TRAK1: variants seen among roughly 807,000 people sequenced by gnomAD.
The protein encoded by TRAK1 is trafficking kinesin-binding protein 1.
Under a neutral mutation model 92.1 loss-of-function variants are expected in TRAK1, and 33 were observed. That is an observed-to-expected ratio of 0.36 (90% CI 0.27 to 0.48). TRAK1 has a LOEUF of 0.48. Ranked by LOEUF, TRAK1 falls within the 20% of genes least tolerant of loss-of-function variation. The pLI, the probability that TRAK1 is intolerant of heterozygous loss-of-function variation, is 0.99. For missense variants in TRAK1, 1,123 were observed against 1,257.9 expected, an observed-to-expected ratio of 0.89 and a Z score of 1.62; for synonymous variants, 521 against 517.3, an observed-to-expected ratio of 1.01 and a Z score of -0.10.
chr3:42,122,817 G>C (rs746965933), intron 1 of TRAK1, among the ~76,000 whole-genome samples: 21 of 152,166 alleles, frequency 1.4e-4, no homozygotes, highest in Non-Finnish European at 2.5e-4. Context: ...GTTCCCAGCA[G>C]AGCTTTGCAA....
chr3:42,021,401 A>G (rs1189555720), intron 1 of TRAK1, among the ~76,000 whole-genome samples: 1 of 152,174 alleles, frequency 6.6e-6, no homozygotes, highest in Non-Finnish European at 1.5e-5. Flanking sequence ...TTCATTCATT[A>G]ATTAAAAAGT....
intron 2 of TRAK1, among the ~76,000 whole-genome samples, chr3:42,150,205 TCCTTC>T (rs1699805617): frequency 6.6e-6 from 1 of 152,044 alleles, no homozygotes; most frequent in African/African-American, 2.4e-5. Context: ...AAAGAATGTG[TCCTTC>T]TGTCACTACC....
At chr3:42,219,383 T>C in intron 14 of TRAK1, 111 bp from the exon 15 acceptor site, 1 of 1,591,422 alleles carries the variant, frequency 6.3e-7, no homozygotes, top group Non-Finnish European at 8.6e-7. Flanking sequence ...CCAGATCCAG[T>C]TAACAAGGTA....
At chr3:42,013,661 G>C (rs895705474), upstream of TRAK1, 2 of 147,860 alleles carry the variant, frequency 1.4e-5, no homozygotes, top group Non-Finnish European at 3.0e-5. The surrounding 1 kb of genome is among the most constrained non-coding windows in gnomAD (Gnocchi z 5.1). Flanking sequence ...GGGAGCCATG[G>C]CGAGAGGCCG....
chr3:42,024,389 A>G (rs1254136774), intron 1 of TRAK1, among the ~76,000 whole-genome samples: 2 of 152,228 alleles, frequency 1.3e-5, no homozygotes, highest in East Asian at 3.8e-4. Context: ...TTTGTTTTTC[A>G]GAAGAGATGC....
chr3:42,176,915 A>T, intron 3 of TRAK1, 25 bp downstream of exon 3: 1 of 1,605,894 alleles, frequency 6.2e-7, no homozygotes, highest in Non-Finnish European at 8.5e-7. Flanking sequence ...GGAAGGCAAA[A>T]GAGTTGTTTA....
intron 1 of TRAK1, among the ~76,000 whole-genome samples, chr3:42,050,438 C>G (rs1702934069): frequency 6.6e-6 from 1 of 152,040 alleles, no homozygotes; most frequent in Admixed American, 6.6e-5. Context: ...AGCTATAAGC[C>G]TGATTCTCCC....
At chr3:42,191,508 C>A in intron 6 of TRAK1, 50 bp from the exon 7 acceptor site, 1 of 1,537,848 alleles carries the variant, frequency 6.5e-7, no homozygotes, top group South Asian at 1.2e-5. Flanking sequence ...TTGCCTGCAC[C>A]ACCAGGCCAG....
intron 2 of TRAK1, among the ~76,000 whole-genome samples, chr3:42,175,916 C>T (rs1359238520): frequency 2.0e-5 from 3 of 152,114 alleles, no homozygotes; most frequent in South Asian, 2.1e-4. Context: ...AAATTTTGCA[C>T]GTTGGCTGGC....
chr3:42,069,989 T>A (rs1044953729), intron 1 of TRAK1, among the ~76,000 whole-genome samples: 2 of 151,816 alleles, frequency 1.3e-5, no homozygotes, highest in African/African-American at 4.8e-5. Flanking sequence ...GTAGCTGGGA[T>A]TACAGGTGCC....
At chr3:42,033,553 A>T (rs1459816676) in intron 1 of TRAK1, among the ~76,000 whole-genome samples, 2 of 152,034 alleles carry the variant, frequency 1.3e-5, no homozygotes, top group Non-Finnish European at 2.9e-5. Flanking sequence ...GGGCCACTGC[A>T]TTCTAGCCCA....
chr3:42,193,147 A>G lies in TRAK1; in HGVS notation c.842A>G (p.Gln281Arg). ...AKKTEDAARQQEEITHLLSQI... is the reference protein window; with the variant it reads ...AKKTEDAARQREEITHLLSQI... ...AAGACGGAAGATGCTGCCCGCCAGC[A>G]AGAGGAGATCACACACCTGCTATCG... The change falls in exon 8 of 16, where the codon CAA (glutamine) becomes CGA (arginine). Residue 281 changes from glutamine (Q) to arginine (R), a missense_variant. Transcript: ENST00000327628. 6.2e-7 allele frequency: 1 copy of G among 1,614,244 alleles called. No individual in the cohort carries two copies. Among genetic ancestry groups the G allele is most frequent in the South Asian group, 1.1e-5 (1 of 91,092 alleles).
intron 2 of TRAK1, among the ~76,000 whole-genome samples, chr3:42,162,726 A>G (rs1265029494): frequency 3.3e-5 from 5 of 152,200 alleles, no homozygotes; most frequent in African/African-American, 4.8e-5. Flanking sequence ...TCTGATAAAC[A>G]GGTTTCTGAC....
rs549248467 is a variant in TRAK1, at chr3:42,214,326, G to A, written c.1963+4341G>A. Among the ~76,000 whole-genome samples the A allele has an allele frequency of 3.9e-5, 6 of 152,306 alleles. No homozygotes were observed. In the East Asian group the frequency reaches 1.2e-3, roughly 29 times the overall value. On this transcript the variant is annotated intron_variant, in intron 14 of 15. Transcript: ENST00000327628. ...GTGCTCTCTTGTGCTGGCCTTGAAC[G>A]CACTAGTGGGGAAAGGTCTTGATGC... is the stretch of plus-strand genomic sequence containing the variant.
At chr3:42,018,106 G>C (rs576040745) in intron 1 of TRAK1, among the ~76,000 whole-genome samples, 1 of 95,054 alleles carries the variant, frequency 1.1e-5, no homozygotes, top group African/African-American at 3.5e-5. Context: ...AAAAAAAAAA[G>C]ACAAAAGAAA....
At chr3:42,067,774 T>C (rs1264777834) in intron 1 of TRAK1, among the ~76,000 whole-genome samples, 2 of 148,788 alleles carry the variant, frequency 1.3e-5, no homozygotes, top group Non-Finnish European at 3.0e-5. Flanking sequence ...AGGTTGATAT[T>C]GATATGTTTG....
intron 14 of TRAK1, chr3:42,210,943 G>T: frequency 1.4e-5 from 14 of 985,400 alleles, no homozygotes; most frequent in Non-Finnish European, 1.7e-5. Flanking sequence ...TCAGAGCTCT[G>T]GGAATCATGG....
At chr3:42,145,624 CTTGA>C (rs1261441957) in intron 2 of TRAK1, 1 of 152,954 alleles carries the variant, frequency 6.5e-6, no homozygotes, top group African/African-American at 2.4e-5. Flanking sequence ...GTTGATGTTA[CTTGA>C]TTTTGTTTAC....
chr3:42,092,509 G>A (rs972458890), intron 1 of TRAK1, among the ~76,000 whole-genome samples: 2 of 152,154 alleles, frequency 1.3e-5, no homozygotes. Context: ...GTTAATTCCT[G>A]GGGTCAGAGA....
Sources: allele counts gnomAD v4.1 joint callset (sites outside exome capture counted in the v4.1 genomes callset), GRCh38; gene constraint gnomAD v4.1.1; non-coding constraint Gnocchi (gnomAD v3.1); transcripts MANE v1.5; gene names NCBI Gene and HGNC (gene_info 2026-07-23, HGNC 2026-07-21).